The following FANCI variants were observed in gnomAD, a reference collection of about 807,000 sequenced individuals.
The protein encoded by FANCI is Fanconi anemia group I protein.
In FANCI, 156 loss-of-function variants were observed where a neutral mutation model predicts 176.1. That is an observed-to-expected ratio of 0.89 (90% CI 0.78 to 1.01). FANCI has a LOEUF of 1.01. FANCI is among the 50% of genes least tolerant of loss of function. FANCI has a pLI of 0.00. For synonymous variants in FANCI, 613 were observed against 541.7 expected (o/e 1.13, Z -1.83); for missense variants, 1,678 against 1,534.1 (o/e 1.09, Z -1.57).
intron 8 of FANCI, among the ~76,000 whole-genome samples, 200 bp downstream of exon 8, chr15:89,264,226 C>T (rs1292954592): frequency 6.6e-6 from 1 of 152,206 alleles, no homozygotes; most frequent in Non-Finnish European, 1.5e-5. Flanking sequence ...GATCATACTT[C>T]TCATCCAAGG....
intron 10 of FANCI, among the ~76,000 whole-genome samples, chr15:89,268,915 C>G (rs567728330): frequency 1.3e-4 from 20 of 152,188 alleles, no homozygotes; most frequent in African/African-American, 4.1e-4. Flanking sequence ...CATTTATGAA[C>G]TAGGATGTTG....
At chr15:89,284,049 C>A (rs1217307862) in intron 17 of FANCI, among the ~76,000 whole-genome samples, 4 of 152,146 alleles carry the variant, frequency 2.6e-5, no homozygotes, top group Admixed American at 6.5e-5. Flanking sequence ...GCGTGAACCA[C>A]CACACCCGGC....
chr15:89,264,039 A>G lies in FANCI; in HGVS notation c.669+13A>G. ...TCTCTCCTCCAAGGTACAAATGGAA[A>G]ATTGTTTCTCCTTAGTTCTGGTGGT... is the stretch of plus-strand genomic sequence containing the variant. On this transcript the variant is annotated intron_variant, in intron 8 of 37. Coordinates refer to ENST00000310775, the MANE Select transcript of FANCI (RefSeq NM_001113378.2). 1 of 1,613,984 alleles carries G rather than the reference A, an allele frequency of 6.2e-7. No homozygotes were observed. The highest frequency in any genetic ancestry group is 8.5e-7 in the Non-Finnish European group (1 of 1,179,914).
intron 34 of FANCI, 60 bp from the exon 35 acceptor site, chr15:89,312,844 A>G: frequency 7.4e-7 from 1 of 1,342,310 alleles, no homozygotes; most frequent in Non-Finnish European, 1.1e-6. Flanking sequence ...AATTAGCACT[A>G]GCATGCTAGC....
At chr15:89,313,972 AT>A (rs2055076287) in intron 35 of FANCI, among the ~76,000 whole-genome samples, 1 of 82,930 alleles carries the variant, frequency 1.2e-5, no homozygotes, top group Non-Finnish European at 2.5e-5. Flanking sequence ...AAGATATATA[AT>A]CACACACACA....
At chr15:89,302,963 C>T (rs371669473) in intron 27 of FANCI, among the ~76,000 whole-genome samples, 4 of 152,182 alleles carry the variant, frequency 2.6e-5, no homozygotes, top group South Asian at 2.1e-4. Context: ...AATGGTGTCC[C>T]CCACCCATGT....
chr15:89,295,215 A>T (rs562562666), intron 24 of FANCI, 121 bp downstream of exon 24: 2 of 1,168,244 alleles, frequency 1.7e-6, no homozygotes, highest in African/African-American at 1.6e-5. Context: ...GTGAAAGAAT[A>T]TAAAACATTA....
At chr15:89,305,798 T>G (rs905268111) in intron 31 of FANCI, 100 bp downstream of exon 31, 9 of 1,307,694 alleles carry the variant, frequency 6.9e-6, no homozygotes, top group Non-Finnish European at 9.9e-6. Context: ...CTAAATTTCT[T>G]ATTTGCCTTT....
At chr15:89,288,086 C>T (rs1378482096) in intron 18 of FANCI, among the ~76,000 whole-genome samples, 5 of 152,110 alleles carry the variant, frequency 3.3e-5, no homozygotes, top group African/African-American at 9.7e-5. Flanking sequence ...AATTTGTAAA[C>T]GTAATATCTG....
chr15:89,277,630 A>AAAAAAAAAAAG (rs1555445436), intron 13 of FANCI, among the ~76,000 whole-genome samples: 4 of 146,094 alleles, frequency 2.7e-5, no homozygotes, highest in Non-Finnish European at 3.0e-5. Flanking sequence ...AAAAAAAAAA[A>AAAAAAAAAAAG]AAGAATCATA....
intron 19 of FANCI, among the ~76,000 whole-genome samples, chr15:89,291,145 G>A (rs1429805865): frequency 6.6e-6 from 1 of 152,050 alleles, no homozygotes; most frequent in Non-Finnish European, 1.5e-5. Flanking sequence ...TTTTTTGGCT[G>A]TCTTATATGC....
chr15:89,262,403 G>T (rs1256326410), intron 6 of FANCI, among the ~76,000 whole-genome samples: 2 of 152,050 alleles, frequency 1.3e-5, no homozygotes, highest in Non-Finnish European at 2.9e-5. Context: ...ACCAGTATAA[G>T]CATACAGTAA....
At chr15:89,304,626 G>C (rs2054644358) in intron 28 of FANCI, among the ~76,000 whole-genome samples, 1 of 152,170 alleles carries the variant, frequency 6.6e-6, no homozygotes, top group South Asian at 2.1e-4. Context: ...GGATAAAGAG[G>C]CATCATTGCA....
At chr15:89,246,888 C>T (rs1267020030) in intron 1 of FANCI, among the ~76,000 whole-genome samples, 1 of 151,082 alleles carries the variant, frequency 6.6e-6, no homozygotes, top group African/African-American at 2.4e-5. Context: ...GCCTCAGCCT[C>T]CCGAGTAGCT....
In FANCI at chr15:89,286,977, C is replaced by CTTTTTTTT. The variant is rs543431700; in HGVS notation, c.1821+1773_1821+1780dup. Among the ~76,000 whole-genome samples the CTTTTTTTT allele has an allele frequency of 6.7e-3, 572 of 85,962 alleles. 79 individuals carry two copies. Among genetic ancestry groups the CTTTTTTTT allele is most frequent in the African/African-American group, 0.025 (527 of 21,110 alleles). The allele number at this position is 85,962 out of a possible 152,430, so 56.4% of individuals were successfully genotyped here. On this transcript the variant is annotated intron_variant, in intron 18 of 37. Coordinates refer to ENST00000310775, the MANE Select transcript of FANCI (RefSeq NM_001113378.2). ...TCAGCATTTGCTGCTTCACCTTGCA[C>CTTTTTTTT]TTTTTTTTTTTTTTTTTTTTTGAGT...
At chr15:89,299,997 G>T (rs1275034216) in intron 25 of FANCI, 31 bp downstream of exon 25, 1 of 1,612,002 alleles carries the variant, frequency 6.2e-7, no homozygotes, top group South Asian at 1.1e-5. Flanking sequence ...AAATAGGCTT[G>T]ATTTAGGTTT....
In FANCI at chr15:89,305,106, T is replaced by C. The variant is rs1374567730; in HGVS notation, c.3059-9T>C. On this transcript the variant is annotated splice_polypyrimidine_tract_variant and intron_variant, in intron 28 of 37. Coordinates refer to ENST00000310775, the MANE Select transcript of FANCI (RefSeq NM_001113378.2). ...TTACCTTTTAATTTGCTTTTCTTCC[T>C]ATTCCTAGAGGATGCCTTGTTTTGC... The C allele has an allele frequency of 3.7e-6, 6 of 1,614,018 alleles. No individual in the cohort carries two copies. In the South Asian group the frequency reaches 6.6e-5, roughly 18 times the overall value.
At position 89,305,183 on chromosome 15, in the gene FANCI, G is replaced by A. The variant is rs757962931; in HGVS notation, c.3127G>A (p.Val1043Ile). The A allele has an allele frequency of 3.1e-6, 5 of 1,614,140 alleles. No individual in the cohort carries two copies. In the African/African-American group the frequency reaches 4.0e-5, roughly 13 times the overall value. ...CCTGCATGTTTCGTATAAGAGTCCT[G>A]TCATTCTGCTGCGTGACTTGTCCCA... ...FSLHVSYKSP[V>I]ILLRDLSQDI... The change falls in exon 29 of 38, where the codon GTC becomes ATC. Residue 1043 changes from valine (V) to isoleucine (I), a missense_variant. Physicochemically the swap from Val to Ile is conservative, Grantham distance 29 (BLOSUM62 3). Coordinates refer to ENST00000310775, the MANE Select transcript of FANCI (RefSeq NM_001113378.2).
At chr15:89,301,183 AT>A in intron 26 of FANCI, 142 bp from the exon 27 acceptor site, 1 of 732,210 alleles carries the variant, frequency 1.4e-6, no homozygotes, top group Non-Finnish European at 2.5e-6. Context: ...ATTCAGGTGT[AT>A]TTTCAGATTT....
Sources: allele counts gnomAD v4.1 joint callset (sites outside exome capture counted in the v4.1 genomes callset), GRCh38; gene constraint gnomAD v4.1.1; transcripts MANE v1.5; gene names NCBI Gene and HGNC (gene_info 2026-07-23, HGNC 2026-07-21).